GNAT2: variants seen among roughly 807,000 people sequenced by gnomAD.
GNAT2 encodes the protein G protein subunit alpha transducin 2.
In GNAT2, 32 loss-of-function variants were observed where a neutral mutation model predicts 40.9. The ratio of observed to expected loss-of-function variants is 0.78; its 90% CI spans 0.59 to 1.05. The LOEUF (loss-of-function observed/expected upper bound fraction) is 1.05. GNAT2 is among the 50% of genes least tolerant of loss of function. GNAT2 has a pLI of 0.00. For synonymous variants in GNAT2, 141 were observed against 157.2 expected, an observed-to-expected ratio of 0.90 and a Z score of 0.77; for missense variants, 355 against 431.5, an observed-to-expected ratio of 0.82 and a Z score of 1.57.
intron 5 of GNAT2, chr1:109,607,114 T>C (rs1432148711): frequency 6.6e-6 from 1 of 151,692 alleles, no homozygotes; most frequent in South Asian, 2.1e-4. Flanking sequence ...TACTTTTGTA[T>C]GTTTGAAAGT....
chr1:109,606,265 T>C (rs192670813), intron 6 of GNAT2, 43 bp downstream of exon 6: 3 of 1,608,228 alleles, frequency 1.9e-6, no homozygotes, highest in African/African-American at 2.7e-5. Context: ...TTTTCAGGAT[T>C]CCACACGTGT....
At chr1:109,608,856 C>T in intron 4 of GNAT2, 68 bp from the exon 5 acceptor site, 2 of 1,192,506 alleles carry the variant, frequency 1.7e-6, no homozygotes, top group Non-Finnish European at 2.5e-6. Flanking sequence ...TCTGGGAATA[C>T]TGCTGAATGG....
At chr1:109,603,845 C>T in intron 8 of GNAT2, 106 bp downstream of exon 8, 1 of 877,238 alleles carries the variant, frequency 1.1e-6, no homozygotes, top group Non-Finnish European at 1.9e-6. Context: ...TAACTGTGCC[C>T]AAGGTTCTCC....
Position 109,605,976 on chromosome 1 carries a change from G to A in GNAT2, c.714C>T (p.Asp238=), listed in dbSNP as rs367863835. 1.9e-5 allele frequency: 30 copies of A among 1,613,478 alleles called. No homozygotes were observed. The highest frequency in any genetic ancestry group is 8.8e-5 in the South Asian group (8 of 91,046). ...TGATGCAAAGGCCACTCACCACTTC[G>A]TCATCTTCCACCAGCACCATATCAT... ...SAYDMVLVED[D]EVNRMHESLH... Residue 238 remains aspartate, a synonymous_variant, in exon 7 of 9, where the codon GAC becomes GAT. Coordinates refer to ENST00000679935, the MANE Select transcript of GNAT2 (RefSeq NM_001377295.2).
At chr1:109,618,139 A>G (rs1207823293) in intron 1 of GNAT2, 1 of 152,260 alleles carries the variant, frequency 6.6e-6, no homozygotes, top group African/African-American at 2.4e-5. Flanking sequence ...AAATATAAAG[A>G]AAATAAATAT....
chr1:109,613,770 T>G (rs1182994042), intron 1 of GNAT2: 1 of 152,206 alleles, frequency 6.6e-6, no homozygotes, highest in Non-Finnish European at 1.5e-5. Flanking sequence ...TTTGGCCCAC[T>G]AAAGCCAGCT....
chr1:109,616,709 C>T (rs570349), intron 1 of GNAT2: 18,319 of 151,918 alleles, frequency 0.12, 1,151 homozygotes, highest in South Asian at 0.15. Context: ...AGTTCTACAG[C>T]GGAAGAAAGA....
At chr1:109,611,489 C>G (rs1051613021) in intron 2 of GNAT2, 1 of 152,224 alleles carries the variant, frequency 6.6e-6, no homozygotes, top group African/African-American at 2.4e-5. Context: ...CATTTCCCCC[C>G]GCCCCTCCGT....
At position 109,607,480 on chromosome 1, in the gene GNAT2, ATGTG is replaced by A. The variant is rs1570563481; in HGVS notation, c.462-1048_462-1045del. 4.6e-5 allele frequency: 7 copies of A among 151,320 alleles called. No homozygotes were observed. The East Asian group carries it at 1.4e-3, about 29-fold the overall frequency. 9.4% of individuals were successfully genotyped at this position (151,320 alleles called of 1,614,324 possible). On this transcript the variant is annotated intron_variant, in intron 5 of 8. Transcript: ENST00000679935. The stretch of plus-strand genomic sequence containing the variant: ...AAAAAAAAAGGCAAGAGGAAGGCAG[ATGTG>A]AACTGAGATGACTGAGAGGAGGAGG...
rs762152575 is a variant in GNAT2, at chr1:109,603,330, C to T, written c.*24G>A. The T allele has an allele frequency of 1.4e-6, 2 of 1,386,272 alleles. No homozygotes were observed. The highest frequency in any genetic ancestry group is 4.6e-5 in the East Asian group (2 of 43,862). The allele number at this position is 1,386,272 out of a possible 1,614,324, so 85.9% of individuals were successfully genotyped here. On this transcript the variant is annotated 3_prime_UTR_variant, in exon 9 of 9. Coordinates refer to ENST00000679935, the MANE Select transcript of GNAT2 (RefSeq NM_001377295.2). ...CCAGATTCCAAGCCTGTTTATAGAA[C>T]TTATACCTGAGGAATGGTGAGGATT...
chr1:109,610,743 G>A, intron 2 of GNAT2: 4 of 593,272 alleles, frequency 6.7e-6, no homozygotes, highest in East Asian at 2.9e-5. Flanking sequence ...TGCATGGTAG[G>A]ATGTTCAGCA....
At chr1:109,604,382 G>A (rs978708609) in intron 7 of GNAT2, 2 of 452,862 alleles carry the variant, frequency 4.4e-6, no homozygotes, top group Non-Finnish European at 4.1e-6. Context: ...ATGAGATTGT[G>A]TATGTATATT....
In GNAT2 at chr1:109,606,297, C is replaced by G; in HGVS notation, c.590+11G>C. On this transcript the variant is annotated intron_variant, in intron 6 of 8. Transcript: ENST00000679935. ...GTGTATCCGAGATGCCCTAGGGAAC[C>G]ATGCACTTACCTGAAATTCAAGTCT... is the stretch of plus-strand genomic sequence containing the variant. 6.2e-7 allele frequency: 1 copy of G among 1,613,582 alleles called. No homozygotes were observed. The highest frequency in any genetic ancestry group is 1.3e-5 in the African/African-American group (1 of 75,016).
At chr1:109,609,107 G>A in intron 4 of GNAT2, 1 of 406,518 alleles carries the variant, frequency 2.5e-6, no homozygotes. Flanking sequence ...CTCTGCTGCA[G>A]AGAGACTGAA....
intron 7 of GNAT2, chr1:109,605,212 G>A (rs1235572955): frequency 1.3e-5 from 2 of 152,762 alleles, no homozygotes; most frequent in African/African-American, 4.8e-5. Flanking sequence ...GAGGTCATCA[G>A]CAAGGTGTGG....
chr1:109,603,351 G>A lies in GNAT2; in HGVS notation c.*3C>T. The A allele has an allele frequency of 3.9e-6, 6 of 1,540,236 alleles. No homozygotes were observed. The highest frequency in any genetic ancestry group is 2.0e-4 in the Middle Eastern group (1 of 4,960). On this transcript the variant is annotated 3_prime_UTR_variant, in exon 9 of 9. Transcript: ENST00000679935. ...AGAACTTATACCTGAGGAATGGTGAGGATTAGAAGAGGCCGCAGTCCTTGA... is the reference window on the plus strand; with the variant it reads ...AGAACTTATACCTGAGGAATGGTGAAGATTAGAAGAGGCCGCAGTCCTTGA...
chr1:109,604,177 C>T (rs1311215154), intron 7 of GNAT2, 73 bp from the exon 8 acceptor site: 3 of 1,194,984 alleles, frequency 2.5e-6, no homozygotes, highest in Admixed American at 1.7e-5. Context: ...TGCTCTTGTT[C>T]CCCTTGGAGA....
chr1:109,610,527 T>G lies in GNAT2; in HGVS notation c.119-20A>C. 1.2e-6 allele frequency: 2 copies of G among 1,611,244 alleles called. No individual in the cohort carries two copies. The highest frequency in any genetic ancestry group is 1.7e-6 in the Non-Finnish European group (2 of 1,177,492). ...CAGCACCTGGAAGGAAAAATGCTTA[T>G]GCTTTCGATTTCCACCAGTTCTCCT... On this transcript the variant is annotated intron_variant, in intron 2 of 8. Coordinates refer to ENST00000679935, the MANE Select transcript of GNAT2 (RefSeq NM_001377295.2).
At chr1:109,612,700 GGA>G (rs542546686) in intron 2 of GNAT2, 51 bp downstream of exon 2, 70 of 1,117,772 alleles carry the variant, frequency 6.3e-5, no homozygotes, top group Non-Finnish European at 9.1e-5. Flanking sequence ...CAACCCTTCA[GGA>G]AAGTAGGAAG....
Sources: gnomAD v4.1 joint callset for allele counts on GRCh38, gnomAD v4.1.1 for gene constraint, MANE v1.5 for transcripts, NCBI Gene and HGNC (gene_info 2026-07-23, HGNC 2026-07-21) for gene names.